ALG9: variants seen among roughly 807,000 people sequenced by gnomAD.
ALG9 encodes ALG9 alpha-1,2-mannosyltransferase.
Under a neutral mutation model 81.8 loss-of-function variants are expected in ALG9, and 55 were observed. The observed-to-expected ratio is 0.67, with a 90% confidence interval of 0.54 to 0.84. ALG9 has a LOEUF of 0.84. Among genes scored for constraint, ALG9 ranks in the 40% least tolerant of loss-of-function variants. The pLI is 0.00. For missense variants in ALG9, 629 were observed against 745.0 expected, an observed-to-expected ratio of 0.84 and a Z score of 1.81; for synonymous variants, 278 against 274.3, an observed-to-expected ratio of 1.01 and a Z score of -0.13.
intron 1 of ALG9, 122 bp from the exon 2 acceptor site, chr11:111,870,492 T>C: frequency 7.8e-7 from 1 of 1,280,342 alleles, no homozygotes; most frequent in Non-Finnish European, 1.0e-6. Flanking sequence ...ACTTAAGTTA[T>C]TCACCTAAAA....
chr11:111,848,590 C>CAAAAAAAAAAAAAAAAAAA (rs60317912), intron 8 of ALG9, among the ~76,000 whole-genome samples: 2 of 50,230 alleles, frequency 4.0e-5, no homozygotes, highest in Non-Finnish European at 9.8e-5. Flanking sequence ...AACTCCATCT[C>CAAAAAAAAAAAAAAAAAAA]AAAAAAAAAA....
chr11:111,770,713 T>C, the ALG9 span, among the ~76,000 whole-genome samples: 10 of 151,612 alleles, frequency 6.6e-5, no homozygotes, highest in African/African-American at 2.4e-4. Flanking sequence ...AATAAATAAA[T>C]AAAATAAAAA....
intron 14 of ALG9, chr11:111,788,443 C>G (rs1243639179): frequency 1.1e-5 from 5 of 453,854 alleles, no homozygotes; most frequent in African/African-American, 6.0e-5. Flanking sequence ...GCACCTACCC[C>G]AGTCAAGGAG....
chr11:111,861,305 T>G (rs1960025866), intron 4 of ALG9, among the ~76,000 whole-genome samples: 1 of 152,244 alleles, frequency 6.6e-6, no homozygotes, highest in Admixed American at 6.5e-5. Flanking sequence ...CATACCCACG[T>G]GTTCATCATT....
intron 3 of ALG9, 32 bp from the exon 4 acceptor site, chr11:111,865,283 TCA>T: frequency 6.6e-7 from 1 of 1,511,416 alleles, no homozygotes; most frequent in Non-Finnish European, 9.0e-7. Flanking sequence ...AAAACAGAAG[TCA>T]CAGATATGAG....
At chr11:111,833,400 T>C (rs1003230825) in intron 13 of ALG9, among the ~76,000 whole-genome samples, 1 of 152,184 alleles carries the variant, frequency 6.6e-6, no homozygotes, top group Non-Finnish European at 1.5e-5. Context: ...TGAAAAAATA[T>C]GCAGCAAAAA....
At chr11:111,856,849 G>A (rs910054095) in intron 6 of ALG9, among the ~76,000 whole-genome samples, 2 of 152,180 alleles carry the variant, frequency 1.3e-5, no homozygotes, top group African/African-American at 2.4e-5. Context: ...GCTCATGCCT[G>A]TAATCCCAGC....
At chr11:111,794,086 G>C (rs142881279) in intron 14 of ALG9, among the ~76,000 whole-genome samples, 1 of 152,176 alleles carries the variant, frequency 6.6e-6, no homozygotes, top group African/African-American at 2.4e-5. Flanking sequence ...ATTAGCTCAC[G>C]GCTCAGAATG....
At chr11:111,779,104 G>A (rs1036495810), downstream of ALG9, among the ~76,000 whole-genome samples, 8 of 151,040 alleles carry the variant, frequency 5.3e-5, no homozygotes, top group Non-Finnish European at 1.2e-4. Context: ...GTGAGCCACC[G>A]CGGCCGGCCA....
At chr11:111,805,840 T>TTTGTTG (rs1205844244) in intron 14 of ALG9, among the ~76,000 whole-genome samples, 3 of 152,228 alleles carry the variant, frequency 2.0e-5, no homozygotes, top group East Asian at 1.9e-4. Flanking sequence ...CCATTGCTTT[T>TTTGTTG]TTGTTGTTGT....
intron 5 of ALG9, among the ~76,000 whole-genome samples, chr11:111,860,047 C>A (rs1384859212): frequency 6.6e-6 from 1 of 152,032 alleles, no homozygotes; most frequent in Non-Finnish European, 1.5e-5. Context: ...AAAGAAAGCC[C>A]AGCAGAAGAT....
chr11:111,787,666 G>T (rs1555066439), intron 14 of ALG9, among the ~76,000 whole-genome samples: 1 of 151,702 alleles, frequency 6.6e-6, no homozygotes, highest in Non-Finnish European at 1.5e-5. Context: ...CACCGTGTTA[G>T]CCAGGGTGGT....
chr11:111,804,175 AGT>A (rs1949585478), intron 14 of ALG9, among the ~76,000 whole-genome samples: 1 of 151,714 alleles, frequency 6.6e-6, no homozygotes, highest in South Asian at 2.1e-4. Context: ...CAAAACTGAA[AGT>A]ATAAAACTCC....
intron 4 of ALG9, among the ~76,000 whole-genome samples, chr11:111,861,679 G>T (rs1960200701): frequency 6.6e-6 from 1 of 152,086 alleles, no homozygotes; most frequent in Non-Finnish European, 1.5e-5. Flanking sequence ...TTGCTATGTT[G>T]CCCAGGCTGA....
chr11:111,819,896 G>A (rs1450545121), intron 13 of ALG9, among the ~76,000 whole-genome samples: 1 of 152,178 alleles, frequency 6.6e-6, no homozygotes, highest in African/African-American at 2.4e-5. Context: ...AGGAAAGAAT[G>A]GTGACCAGCC....
chr11:111,797,598 T>C (rs1948492951), intron 14 of ALG9, among the ~76,000 whole-genome samples: 1 of 152,262 alleles, frequency 6.6e-6, no homozygotes, highest in Admixed American at 6.5e-5. Context: ...CTGGAACAAA[T>C]GCTTCTGGCT....
chr11:111,836,136 G>A (rs1955212011), intron 13 of ALG9, 29 bp downstream of exon 13: 1 of 1,613,266 alleles, frequency 6.2e-7, no homozygotes, highest in Non-Finnish European at 8.5e-7. Context: ...ATTCTTTTCA[G>A]AGAAGCAAGA....
At chr11:111,854,257 T>C (rs1341462442) in intron 6 of ALG9, among the ~76,000 whole-genome samples, 1 of 137,848 alleles carries the variant, frequency 7.3e-6, no homozygotes, top group Non-Finnish European at 1.5e-5. Flanking sequence ...CCATCAGCCC[T>C]GGCTAATTTT....
chr11:111,870,373 GT>G lies in ALG9; in HGVS notation c.132-4del. ...GTCCTGCTTTGTTCCCAGATAACCT[GT>G]TCAAAAGCAAAAAAAAAAAAAAAAA... On this transcript the variant is annotated splice_region_variant and splice_polypyrimidine_tract_variant and intron_variant, in intron 1 of 14. Transcript: ENST00000616540. 5.6e-6 allele frequency: 3 copies of G among 537,474 alleles called. No homozygotes were observed. Among genetic ancestry groups the G allele is most frequent in the Admixed American group, 7.0e-5 (1 of 14,196 alleles). The allele number at this position is 537,474 out of a possible 1,614,324, so 33.3% of individuals were successfully genotyped here.
Sources: allele counts gnomAD v4.1 joint callset (sites outside exome capture counted in the v4.1 genomes callset), GRCh38; gene constraint gnomAD v4.1.1; transcripts MANE v1.5; gene names NCBI Gene and HGNC (gene_info 2026-07-23, HGNC 2026-07-21).